The following USP37 variants were observed in gnomAD, a reference collection of about 807,000 sequenced individuals.
USP37 encodes ubiquitin specific peptidase 37.
Under a neutral mutation model 124.0 loss-of-function variants are expected in USP37, and 27 were observed. That is an observed-to-expected ratio of 0.22 (90% confidence interval 0.16 to 0.30). The LOEUF is 0.30. USP37 is among the 10% of genes least tolerant of loss of function. The pLI, the probability that USP37 is intolerant of heterozygous loss-of-function variation, is 1.00. For missense variants in USP37, 889 were observed against 1,140.4 expected (o/e 0.78, Z 3.17); for synonymous variants, 365 against 388.0 (o/e 0.94, Z 0.70).
At chr2:218,486,606 A>G (rs1370481762) in intron 15 of USP37, among the ~76,000 whole-genome samples, 1 of 152,184 alleles carries the variant, frequency 6.6e-6, no homozygotes, top group African/African-American at 2.4e-5. Flanking sequence ...CATTTTTAGT[A>G]GAAGCAGGGT....
intron 11 of USP37, among the ~76,000 whole-genome samples, chr2:218,498,996 C>T (rs903316266): frequency 3.9e-5 from 6 of 152,058 alleles, no homozygotes; most frequent in Non-Finnish European, 5.9e-5. Context: ...CTTTTTATGC[C>T]GGGTGCAGTG....
chr2:218,454,491 A>T lies in USP37; in HGVS notation c.*439T>A, dbSNP rs1213131949. 5 of 154,062 alleles carry T rather than the reference A, an allele frequency of 3.2e-5. No homozygotes were observed. The East Asian group carries it at 9.5e-4, about 29-fold the overall frequency. 9.5% of individuals were successfully genotyped at this position (154,062 alleles called of 1,614,324 possible). On this transcript the variant is annotated 3_prime_UTR_variant, in exon 26 of 26. Transcript: ENST00000258399. Reference sequence around the variant, plus strand: ...AAAGCCAACTGATAAGTATGTCTTCACACATTTCTCAGGTGAATGGACTCT... The same window carrying T: ...AAAGCCAACTGATAAGTATGTCTTCTCACATTTCTCAGGTGAATGGACTCT...
chr2:218,457,149 G>A lies in USP37; in HGVS notation c.2656C>T (p.Pro886Ser). Reference sequence around the variant, plus strand: ...ACACTGATGAGCCGGTACGAATGAGGCAGATTTCCTGTCTGGAAAACAGAA... The same window carrying A: ...ACACTGATGAGCCGGTACGAATGAGACAGATTTCCTGTCTGGAAAACAGAA... Reference protein sequence around the residue: ...LKRNAETGNLPHSYRLISVVS... With the variant: ...LKRNAETGNLSHSYRLISVVS... The change falls in exon 24 of 26, where the codon CCT (proline) becomes TCT (serine). Residue 886 changes from proline (P) to serine (S), a missense_variant. Around this residue, in one of 3 missense-constraint regions of USP37, gnomAD observed 504 missense variants for 714.3 expected, o/e 0.71. Coordinates refer to ENST00000258399, the MANE Select transcript of USP37 (RefSeq NM_020935.3). 1 of 1,613,788 alleles carries A rather than the reference G, an allele frequency of 6.2e-7. No homozygotes were observed. The highest frequency in any genetic ancestry group is 2.2e-5 in the East Asian group (1 of 44,872).
At chr2:218,567,862 G>C (rs895895632) in intron 1 of USP37, among the ~76,000 whole-genome samples, 3 of 152,186 alleles carry the variant, frequency 2.0e-5, no homozygotes, top group Admixed American at 1.3e-4. Context: ...GTGCCGTAAC[G>C]AAAGTCACCT....
At position 218,452,190 on chromosome 2, in the gene USP37, A is replaced by C. The variant is rs1383821881; in HGVS notation, c.*2740T>G. 6.6e-6 allele frequency: 1 copy of C among 152,172 alleles called. No individual in the cohort carries two copies. The highest frequency in any genetic ancestry group is 2.4e-5 in the African/African-American group (1 of 41,424). 9.4% of individuals were successfully genotyped at this position (152,172 alleles called of 1,614,324 possible). On this transcript the variant is annotated 3_prime_UTR_variant, in exon 26 of 26. Coordinates refer to ENST00000258399, the MANE Select transcript of USP37 (RefSeq NM_020935.3). ...ACTAATTGCCATCAAGTTCCAATTCAATGTCATTTAAAGTAATGTAACCAC... is the reference window on the plus strand; with the variant it reads ...ACTAATTGCCATCAAGTTCCAATTCCATGTCATTTAAAGTAATGTAACCAC...
In USP37 at chr2:218,488,327, CTTGAA is replaced by C. The variant is rs754273327; in HGVS notation, c.1562_1566del (p.Ile521ArgfsTer4). ...ACCCTAAAGAAAAGATCAAGAGAAT[CTTGAA>C]TTGAACGAGGAGGGAGTGGTTTTTT... On this transcript the variant is annotated frameshift_variant, in exon 15 of 26. Coordinates refer to ENST00000258399, the MANE Select transcript of USP37 (RefSeq NM_020935.3). LOFTEE classifies it high-confidence loss of function. The C allele has an allele frequency of 6.2e-7, 1 of 1,606,512 alleles. No individual in the cohort carries two copies. Among genetic ancestry groups the C allele is most frequent in the Admixed American group, 1.7e-5 (1 of 58,986 alleles).
chr2:218,480,829 T>C (rs143349518), intron 17 of USP37, among the ~76,000 whole-genome samples: 15 of 152,302 alleles, frequency 9.8e-5, no homozygotes, highest in Admixed American at 7.8e-4. Context: ...CAGCAGAAGG[T>C]AGTATGCACC....
intron 8 of USP37, among the ~76,000 whole-genome samples, chr2:218,539,184 C>T (rs1326350230): frequency 2.0e-5 from 3 of 152,062 alleles, no homozygotes; most frequent in East Asian, 3.9e-4. Flanking sequence ...GTCTTGAACT[C>T]CAGGACTCAA....
intron 1 of USP37, among the ~76,000 whole-genome samples, chr2:218,566,589 A>G (rs925097576): frequency 6.6e-6 from 1 of 152,254 alleles, no homozygotes; most frequent in African/African-American, 2.4e-5. Context: ...TGATCAGCTT[A>G]TAACAATAAC....
chr2:218,532,321 C>T (rs1053422789), intron 9 of USP37, among the ~76,000 whole-genome samples: 1 of 151,976 alleles, frequency 6.6e-6, no homozygotes. Flanking sequence ...CAAAAATTAG[C>T]TGCATGTAGT....
intron 19 of USP37, 126 bp downstream of exon 19, chr2:218,476,714 T>C: frequency 1.9e-6 from 2 of 1,072,756 alleles, no homozygotes; most frequent in Non-Finnish European, 2.5e-6. Context: ...AACAGACTGA[T>C]TTCTGTAGCC....
chr2:218,467,485 A>T (rs907590273), intron 20 of USP37, among the ~76,000 whole-genome samples: 2 of 152,030 alleles, frequency 1.3e-5, no homozygotes, highest in Non-Finnish European at 2.9e-5. Flanking sequence ...CGTAGCTGGG[A>T]TTACAGGTGC....
At chr2:218,542,059 G>A (rs1692005534) in intron 8 of USP37, among the ~76,000 whole-genome samples, 1 of 152,116 alleles carries the variant, frequency 6.6e-6, no homozygotes. Flanking sequence ...CCTCAAGCTA[G>A]AACAACCCAA....
At chr2:218,536,638 G>A (rs1396385644) in intron 8 of USP37, among the ~76,000 whole-genome samples, 1 of 152,132 alleles carries the variant, frequency 6.6e-6, no homozygotes, top group Non-Finnish European at 1.5e-5. Context: ...TTTGTTTCCT[G>A]CCCTTAACTA....
At chr2:218,528,728 TG>T (rs1415016141) in intron 10 of USP37, 3 of 435,160 alleles carry the variant, frequency 6.9e-6, no homozygotes, top group Middle Eastern at 3.0e-4. Context: ...TCAACCCTTC[TG>T]TGCTGCACTG....
intron 5 of USP37, among the ~76,000 whole-genome samples, chr2:218,551,052 T>C (rs568347322): frequency 6.6e-6 from 1 of 152,188 alleles, no homozygotes; most frequent in Admixed American, 6.5e-5. Context: ...AATACTTTTA[T>C]CATTTTTTTT....
At chr2:218,457,463 A>C (rs1008886880) in intron 23 of USP37, among the ~76,000 whole-genome samples, 3 of 152,218 alleles carry the variant, frequency 2.0e-5, no homozygotes, top group African/African-American at 7.2e-5. Context: ...TATCAATTCA[A>C]TATAATAATG....
intron 6 of USP37, among the ~76,000 whole-genome samples, chr2:218,547,583 C>CAAAAAAAAAAAAAAAA (rs58787835): frequency 4.2e-5 from 3 of 71,608 alleles, no homozygotes; most frequent in Non-Finnish European, 6.5e-5. Context: ...AATTACTAAC[C>CAAAAAAAAAAAAAAAA]AAAAAAAAAA....
chr2:218,557,799 C>G (rs58967282), intron 4 of USP37, among the ~76,000 whole-genome samples: 1 of 145,072 alleles, frequency 6.9e-6, no homozygotes, highest in Admixed American at 7.0e-5. Context: ...GGAGTGGTGG[C>G]GCACACCTGT....
Sources: allele counts gnomAD v4.1 joint callset (sites outside exome capture counted in the v4.1 genomes callset), GRCh38; gene constraint gnomAD v4.1.1; regional missense constraint gnomAD v4.1.1; transcripts MANE v1.5; gene names NCBI Gene and HGNC (gene_info 2026-07-23, HGNC 2026-07-21).